The following PUDP variants were observed in gnomAD, a reference collection of about 807,000 sequenced individuals.
PUDP encodes the protein pseudouridine 5'-phosphatase.
Under a neutral mutation model 9.4 loss-of-function variants are expected in PUDP, and 8 were observed. The ratio of observed to expected loss-of-function variants is 0.85; its 90% CI spans 0.50 to 1.53. PUDP has a LOEUF of 1.53. PUDP is among the 40% of genes most tolerant of loss of function. The pLI, the probability that PUDP is intolerant of heterozygous loss-of-function variation, is 0.00. For synonymous variants in PUDP, 99 were observed against 80.7 expected (o/e 1.23, Z -1.22); for missense variants, 188 against 189.7 (o/e 0.99, Z 0.05).
At chrX:6,923,452 C>CA (rs1834785900) in intron 3 of PUDP, among the ~76,000 whole-genome samples, 1 of 112,029 alleles carries the variant, frequency 8.9e-6, no homozygotes, top group African/African-American at 3.2e-5. Context: ...GTCTCATTCC[C>CA]AAACCAGCAA....
At chrX:7,109,017 T>G (rs1281547243) in intron 1 of PUDP, among the ~76,000 whole-genome samples, 1 of 112,124 alleles carries the variant, frequency 8.9e-6, no homozygotes, top group Non-Finnish European at 1.9e-5. Context: ...TGGGCTGGTT[T>G]GTAGAAGTCG....
At chrX:6,987,598 C>T (rs1057123031) in intron 1 of PUDP, among the ~76,000 whole-genome samples, 2 of 111,966 alleles carry the variant, frequency 1.8e-5, no homozygotes, top group Admixed American at 1.9e-4. Flanking sequence ...AAATGGGGGT[C>T]GGCAAACTAT....
At chrX:7,017,752 A>G (rs1385424743) in intron 1 of PUDP, among the ~76,000 whole-genome samples, 1 of 112,050 alleles carries the variant, frequency 8.9e-6, no homozygotes, top group Non-Finnish European at 1.9e-5. Flanking sequence ...TAACATGAGC[A>G]CATGTGGAAC....
intron 3 of PUDP, among the ~76,000 whole-genome samples, chrX:6,881,040 G>T (rs756274894): frequency 8.9e-6 from 1 of 112,258 alleles, no homozygotes; most frequent in Admixed American, 9.5e-5. Flanking sequence ...ATCTGAGTCT[G>T]CCAGGGCACA....
intron 3 of PUDP, among the ~76,000 whole-genome samples, chrX:6,870,744 T>C (rs1427069144): frequency 8.9e-6 from 1 of 112,517 alleles, no homozygotes; most frequent in Non-Finnish European, 1.9e-5. Flanking sequence ...CATATTCTAT[T>C]GTTGGAAGCA....
At chrX:6,717,434 C>T (rs1924612660) in intron 1 of PUDP, among the ~76,000 whole-genome samples, 1 of 111,602 alleles carries the variant, frequency 9.0e-6, no homozygotes, top group Admixed American at 9.5e-5. Flanking sequence ...CTCCTCTCTG[C>T]TGTCAGTACC....
At chrX:6,887,033 TATG>T (rs1927433780) in intron 3 of PUDP, among the ~76,000 whole-genome samples, 6 of 106,154 alleles carry the variant, frequency 5.7e-5, no homozygotes, top group South Asian at 3.8e-4. Context: ...TATATATCTA[TATG>T]ATAAATTATA....
intron 3 of PUDP, among the ~76,000 whole-genome samples, chrX:6,809,866 G>T (rs1926113489): frequency 9.0e-6 from 1 of 110,818 alleles, no homozygotes; most frequent in Non-Finnish European, 1.9e-5. Context: ...GGGTTTAAGA[G>T]GACATCAGAG....
At chrX:6,825,878 A>T (rs1346953595) in intron 3 of PUDP, among the ~76,000 whole-genome samples, 4 of 111,540 alleles carry the variant, frequency 3.6e-5, no homozygotes, top group Non-Finnish European at 7.5e-5. Flanking sequence ...GTTGGTTTAT[A>T]CCTAAGACCC....
intron 1 of PUDP, among the ~76,000 whole-genome samples, chrX:7,022,994 A>G (rs1187047836): frequency 9.0e-6 from 1 of 111,333 alleles, no homozygotes; most frequent in East Asian, 2.8e-4. Flanking sequence ...ACCATCTGAA[A>G]TAGAGAAAAT....
At chrX:6,942,770 AAC>A (rs887318746) in intron 3 of PUDP, among the ~76,000 whole-genome samples, 1 of 111,681 alleles carries the variant, frequency 9.0e-6, no homozygotes, top group African/African-American at 3.3e-5. Flanking sequence ...GACACAGAGA[AAC>A]ACACACAGGG....
intron 1 of PUDP, among the ~76,000 whole-genome samples, chrX:6,718,846 A>AT (rs752331407): frequency 6.2e-5 from 7 of 112,133 alleles, no homozygotes; most frequent in Non-Finnish European, 1.3e-4. Context: ...GCTTATGAAG[A>AT]TAGCTACAGG....
At chrX:6,895,315 ATAAT>A (rs1040738107) in intron 3 of PUDP, among the ~76,000 whole-genome samples, 14 of 106,582 alleles carry the variant, frequency 1.3e-4, no homozygotes, top group Admixed American at 4.2e-4. Flanking sequence ...TTTATTGGAC[ATAAT>A]TATTATATAT....
At chrX:6,841,419 C>T (rs969379636) in intron 3 of PUDP, among the ~76,000 whole-genome samples, 14 of 110,246 alleles carry the variant, frequency 1.3e-4, no homozygotes, top group Non-Finnish European at 2.7e-4. Context: ...CAGCAAAACT[C>T]TATCTCTACA....
intron 3 of PUDP, among the ~76,000 whole-genome samples, chrX:6,742,756 T>C (rs932740230): frequency 1.8e-5 from 2 of 111,500 alleles, no homozygotes; most frequent in Non-Finnish European, 3.8e-5. Context: ...GCCTGAGCGA[T>C]AGAGCAAGAC....
intron 3 of PUDP, among the ~76,000 whole-genome samples, chrX:6,834,097 T>A (rs1466613851): frequency 9.0e-6 from 1 of 111,095 alleles, no homozygotes; most frequent in East Asian, 2.8e-4. Context: ...ACACAGAGAG[T>A]TAGACCGTGA....
At chrX:6,849,123 G>A (rs755478294) in intron 3 of PUDP, among the ~76,000 whole-genome samples, 10 of 111,553 alleles carry the variant, frequency 9.0e-5, no homozygotes, top group South Asian at 7.7e-4. Flanking sequence ...TGGTAGACCC[G>A]CACGTCAGTG....
At chrX:6,800,000 G>A (rs757615512) in intron 3 of PUDP, among the ~76,000 whole-genome samples, 6 of 111,527 alleles carry the variant, frequency 5.4e-5, no homozygotes, top group Non-Finnish European at 9.4e-5. Context: ...CTATTTTAGC[G>A]AGTACTATAA....
intron 3 of PUDP, among the ~76,000 whole-genome samples, chrX:6,755,736 C>G (rs752832989): frequency 9.1e-6 from 1 of 110,125 alleles, no homozygotes; most frequent in South Asian, 3.9e-4. Context: ...GGAACTTCAT[C>G]CTATAGCTCA....
Sources: allele counts gnomAD v4.1 joint callset (sites outside exome capture counted in the v4.1 genomes callset), GRCh38; gene constraint gnomAD v4.1.1; transcripts MANE v1.5; gene names NCBI Gene and HGNC (gene_info 2026-07-23, HGNC 2026-07-21).